The following FARS2 variants were observed in gnomAD, a reference collection of about 807,000 sequenced individuals.
FARS2 encodes phenylalanine--tRNA ligase, mitochondrial.
In FARS2, 40 loss-of-function variants were observed where a neutral mutation model predicts 46.4. That is an observed-to-expected ratio of 0.86 (90% CI 0.67 to 1.12). FARS2 has a LOEUF of 1.12. FARS2 is among the 50% of genes most tolerant of loss of function. The pLI is 0.00. For synonymous variants in FARS2, 234 were observed against 214.9 expected (o/e 1.09, Z -0.78); for missense variants, 513 against 567.9 (o/e 0.90, Z 0.98).
At chr6:5,663,871 C>T (rs1470199868) in intron 6 of FARS2, among the ~76,000 whole-genome samples, 1 of 152,196 alleles carries the variant, frequency 6.6e-6, no homozygotes, top group East Asian at 1.9e-4. Context: ...ATGTACTCAG[C>T]ACTACTGTGC....
At chr6:5,521,725 C>T (rs557417236) in intron 4 of FARS2, among the ~76,000 whole-genome samples, 7 of 150,988 alleles carry the variant, frequency 4.6e-5, no homozygotes, top group South Asian at 2.1e-4. Flanking sequence ...CATGGTGATA[C>T]GACCTCCCTG....
intron 5 of FARS2, among the ~76,000 whole-genome samples, chr6:5,580,830 C>A (rs1173192295): frequency 2.0e-5 from 3 of 152,322 alleles, no homozygotes; most frequent in Non-Finnish European, 4.4e-5. Flanking sequence ...TGGTTCCTAT[C>A]CTCTGTTACC....
In FARS2 at chr6:5,307,934, C is replaced by T. The variant is rs187394388; in HGVS notation, c.-22+46274C>T. 1.3e-4 allele frequency among the ~76,000 whole-genome samples: 20 copies of T among 152,198 alleles called. No homozygotes were observed. The East Asian group carries it at 3.9e-3, about 29-fold the overall frequency. On this transcript the variant is annotated intron_variant, in intron 1 of 6. Coordinates refer to ENST00000274680, the MANE Select transcript of FARS2 (RefSeq NM_006567.5). ...GCTTTAGGAGGTCAGGATCTCTCAA[C>T]ACTAAAGTAAATGCTTGTTTTTGAC...
At chr6:5,693,100 C>T (rs1757868842) in intron 6 of FARS2, among the ~76,000 whole-genome samples, 2 of 152,202 alleles carry the variant, frequency 1.3e-5, no homozygotes, top group African/African-American at 4.8e-5. Context: ...TTGTACTCTT[C>T]TGGCATAGTA....
Position 5,581,502 on chromosome 6 carries a change from C to T in FARS2, c.1066-31667C>T, listed in dbSNP as rs1773326401. On this transcript the variant is annotated intron_variant, in intron 5 of 6. Transcript: ENST00000274680. ...GCAGCAGAACTCTCCGCATCGCACA[C>T]AGGCAGTTTCCAGCCAGGTGTGTGC... Among the ~76,000 whole-genome samples, 2 of 152,228 alleles carry T rather than the reference C, an allele frequency of 1.3e-5. 1 individual carries two copies. The highest frequency in any genetic ancestry group is 4.1e-4 in the South Asian group (2 of 4,830).
At chr6:5,340,085 TACTG>T (rs1419447034) in intron 1 of FARS2, among the ~76,000 whole-genome samples, 5 of 152,356 alleles carry the variant, frequency 3.3e-5, no homozygotes, top group African/African-American at 7.2e-5. Context: ...AGCAACCAAA[TACTG>T]ACTGAGTTCT....
intron 1 of FARS2, among the ~76,000 whole-genome samples, chr6:5,362,927 C>CTTTTTTTTTTTTTTTTTTT (rs55686418): frequency 8.0e-6 from 1 of 124,226 alleles, no homozygotes. Context: ...TTCTTTCTTT[C>CTTTTTTTTTTTTTTTTTTT]TTTTTTTTTT....
At chr6:5,320,321 A>G (rs1769878614) in intron 1 of FARS2, among the ~76,000 whole-genome samples, 1 of 152,138 alleles carries the variant, frequency 6.6e-6, no homozygotes, top group African/African-American at 2.4e-5. Context: ...AGCTGGAGGG[A>G]GGGGCTGCAG....
At chr6:5,444,278 C>T (rs552752711) in intron 4 of FARS2, among the ~76,000 whole-genome samples, 2 of 152,006 alleles carry the variant, frequency 1.3e-5, no homozygotes, top group South Asian at 4.2e-4. Flanking sequence ...ACCAGCCTGA[C>T]CAACATGGTG....
intron 6 of FARS2, among the ~76,000 whole-genome samples, chr6:5,745,376 A>G (rs1007796181): frequency 6.6e-6 from 1 of 152,338 alleles, no homozygotes; most frequent in South Asian, 2.1e-4. Flanking sequence ...TGCTTTAATC[A>G]TCTTTCCATT....
In FARS2 at chr6:5,663,955, A is replaced by C. The variant is rs113271788; in HGVS notation, c.1217+50635A>C. Among the ~76,000 whole-genome samples the C allele has an allele frequency of 8.1e-3, 1,238 of 152,258 alleles. 18 individuals carry two copies. The highest frequency in any genetic ancestry group is 0.028 in the African/African-American group (1,171 of 41,552). ...CACGCTGGCCAGGGCCATGGACTGC[A>C]GGTGCTTAAGTGGCCCCACAGTAGA... On this transcript the variant is annotated intron_variant, in intron 6 of 6. Transcript: ENST00000274680.
chr6:5,571,259 A>C (rs1772629062), intron 5 of FARS2, among the ~76,000 whole-genome samples: 1 of 152,230 alleles, frequency 6.6e-6, no homozygotes, highest in African/African-American at 2.4e-5. Context: ...GGCCTACACG[A>C]ATATAAGCAG....
At chr6:5,318,399 A>AAAC (rs1554162446) in intron 1 of FARS2, among the ~76,000 whole-genome samples, 3 of 149,838 alleles carry the variant, frequency 2.0e-5, no homozygotes, top group African/African-American at 4.9e-5. Context: ...AAAAAAAAAA[A>AAAC]AAAAAAAACC....
intron 3 of FARS2, among the ~76,000 whole-genome samples, chr6:5,430,339 A>G (rs542095676): frequency 6.6e-6 from 1 of 152,238 alleles, no homozygotes; most frequent in African/African-American, 2.4e-5. Context: ...TTTTGAATTC[A>G]TTAGTCTTTT....
In FARS2 at chr6:5,642,675, C is replaced by A. The variant is rs1222513713; in HGVS notation, c.1217+29355C>A. ...GTGCTTTTCACCTCAGCTTCTGCTGCAGACCTTAGATGCCTGCTTTCCAGT... is the reference window on the plus strand; with the variant it reads ...GTGCTTTTCACCTCAGCTTCTGCTGAAGACCTTAGATGCCTGCTTTCCAGT... On this transcript the variant is annotated intron_variant, in intron 6 of 6. Coordinates refer to ENST00000274680, the MANE Select transcript of FARS2 (RefSeq NM_006567.5). 2.0e-5 allele frequency among the ~76,000 whole-genome samples: 3 copies of A among 152,284 alleles called. No individual in the cohort carries two copies. The South Asian group carries it at 6.2e-4, about 32-fold the overall frequency.
At chr6:5,461,865 A>G (rs892813979) in intron 4 of FARS2, among the ~76,000 whole-genome samples, 2 of 152,226 alleles carry the variant, frequency 1.3e-5, no homozygotes, top group African/African-American at 4.8e-5. Flanking sequence ...TCTGTAATGA[A>G]TAAAGATGCT....
chr6:5,337,147 A>ATATG (rs1456534393), intron 1 of FARS2, among the ~76,000 whole-genome samples: 3 of 150,866 alleles, frequency 2.0e-5, no homozygotes, highest in Non-Finnish European at 4.4e-5. Context: ...ATGAGATTAT[A>ATATG]TATGTATGTG....
At chr6:5,349,404 ATTGAC>A (rs1217756911) in intron 1 of FARS2, among the ~76,000 whole-genome samples, 5 of 152,236 alleles carry the variant, frequency 3.3e-5, no homozygotes, top group Admixed American at 6.5e-5. Flanking sequence ...GTTTTCCCTA[ATTGAC>A]TTGTAGGTTT....
At chr6:5,668,322 A>G (rs764912655) in intron 6 of FARS2, among the ~76,000 whole-genome samples, 5 of 152,188 alleles carry the variant, frequency 3.3e-5, no homozygotes, top group Admixed American at 6.5e-5. Context: ...TCACTCTTGT[A>G]CTGTTGGACA....
Sources: gnomAD v4.1 joint callset for allele counts (sites outside exome capture counted in the v4.1 genomes callset) on GRCh38, gnomAD v4.1.1 for gene constraint, MANE v1.5 for transcripts, NCBI Gene and HGNC (gene_info 2026-07-23, HGNC 2026-07-21) for gene names.